Variants in GNA12 observed in about 807,000 individuals in gnomAD.
The protein encoded by GNA12 is guanine nucleotide-binding protein subunit alpha-12.
GNA12 carries 9 observed loss-of-function variants against 26.0 expected under a neutral mutation model. The observed-to-expected ratio is 0.35, with a 90% CI of 0.21 to 0.60. The LOEUF is 0.60. Among genes scored for constraint, GNA12 ranks in the 20% least tolerant of loss-of-function variants. The pLI is 0.78. For synonymous variants in GNA12, 264 were observed against 219.6 expected (o/e 1.20, Z -1.79); for missense variants, 405 against 525.8 (o/e 0.77, Z 2.25).
chr7:2,776,176 T>A (rs752292721), intron 2 of GNA12, among the ~76,000 whole-genome samples: 1 of 152,182 alleles, frequency 6.6e-6, no homozygotes, highest in Non-Finnish European at 1.5e-5. Context: ...GCTCAAGTGA[T>A]CTTCCCATCT....
At chr7:2,775,023 A>G (rs1164797131) in intron 2 of GNA12, among the ~76,000 whole-genome samples, 1 of 152,202 alleles carries the variant, frequency 6.6e-6, no homozygotes, top group Non-Finnish European at 1.5e-5. Context: ...AAAGAGTTAA[A>G]CAATTTGGAC....
chr7:2,750,239 T>C (rs556205655), intron 2 of GNA12, among the ~76,000 whole-genome samples: 14 of 152,270 alleles, frequency 9.2e-5, no homozygotes, highest in Admixed American at 3.9e-4. Context: ...CAGCTCTGCT[T>C]AGACCCATCA....
At chr7:2,758,898 G>A (rs772114258) in intron 2 of GNA12, among the ~76,000 whole-genome samples, 51 of 152,024 alleles carry the variant, frequency 3.4e-4, no homozygotes, top group Non-Finnish European at 5.3e-4. Context: ...TAATCCCAGC[G>A]CTCTGGGAGG....
chr7:2,808,145 G>A (rs1277626469), intron 1 of GNA12, among the ~76,000 whole-genome samples: 1 of 152,234 alleles, frequency 6.6e-6, no homozygotes, highest in Non-Finnish European at 1.5e-5. Context: ...CAATTACAGA[G>A]TTGGCCTCTG....
intron 1 of GNA12, among the ~76,000 whole-genome samples, chr7:2,799,242 A>G (rs1233993849): frequency 1.3e-5 from 2 of 152,224 alleles, no homozygotes; most frequent in Non-Finnish European, 2.9e-5. Context: ...CACATCTGCC[A>G]TATCTGACAA....
chr7:2,814,461 C>T (rs1402347042), intron 1 of GNA12: 2 of 901,114 alleles, frequency 2.2e-6, no homozygotes, highest in Non-Finnish European at 3.7e-6. Context: ...TAAAGCCCTG[C>T]TCAAGCTTCT....
intron 1 of GNA12, among the ~76,000 whole-genome samples, chr7:2,805,362 TCA>T (rs1442956469): frequency 3.9e-5 from 6 of 152,224 alleles, no homozygotes; most frequent in African/African-American, 1.4e-4. Flanking sequence ...AAGCTCAAAA[TCA>T]CACAGTTATC....
At chr7:2,789,023 G>A (rs1792438626) in intron 2 of GNA12, among the ~76,000 whole-genome samples, 1 of 151,356 alleles carries the variant, frequency 6.6e-6, no homozygotes, top group Non-Finnish European at 1.5e-5. Context: ...GTTTTGCCAT[G>A]TTGGCCAGGG....
intron 2 of GNA12, among the ~76,000 whole-genome samples, chr7:2,742,535 T>C (rs537587990): frequency 6.6e-6 from 1 of 152,342 alleles, no homozygotes; most frequent in East Asian, 1.9e-4. Flanking sequence ...TTCCAGGGGC[T>C]GTAATTCATC....
intron 3 of GNA12, among the ~76,000 whole-genome samples, chr7:2,732,166 C>T (rs1014144257): frequency 6.6e-6 from 1 of 152,202 alleles, no homozygotes; most frequent in Non-Finnish European, 1.5e-5. Context: ...ATTCAATCTG[C>T]AATACATTTA....
intron 2 of GNA12, among the ~76,000 whole-genome samples, chr7:2,745,099 G>T (rs1790701600): frequency 6.6e-6 from 1 of 152,194 alleles, no homozygotes; most frequent in Non-Finnish European, 1.5e-5. Flanking sequence ...CACTCTGCAG[G>T]ATATTATCCA....
At chr7:2,839,293 G>A (rs898070352) in intron 1 of GNA12, among the ~76,000 whole-genome samples, 1 of 152,160 alleles carries the variant, frequency 6.6e-6, no homozygotes, top group Non-Finnish European at 1.5e-5. Flanking sequence ...AAGTGCAGTG[G>A]CACGATGTTG....
chr7:2,768,958 C>T (rs143535653), intron 2 of GNA12, among the ~76,000 whole-genome samples: 122 of 152,322 alleles, frequency 8.0e-4, no homozygotes, highest in African/African-American at 2.7e-3. Context: ...TGGAGTCTCG[C>T]TCCGTTGTCC....
At chr7:2,757,082 G>A (rs1281616700) in intron 2 of GNA12, among the ~76,000 whole-genome samples, 1 of 151,506 alleles carries the variant, frequency 6.6e-6, no homozygotes, top group Non-Finnish European at 1.5e-5. Flanking sequence ...CCCAAGGCGG[G>A]GGAAAAAAGG....
At chr7:2,842,083 G>GGGAAGGAAAGGAAGGAAA (rs201517448) in intron 1 of GNA12, among the ~76,000 whole-genome samples, 2 of 86,104 alleles carry the variant, frequency 2.3e-5, no homozygotes, top group African/African-American at 7.0e-5. Flanking sequence ...AAAGGAAGGC[G>GGGAAGGAAAGGAAGGAAA]GGAAGGAAAG....
intron 1 of GNA12, among the ~76,000 whole-genome samples, chr7:2,826,998 T>G (rs1793499821): frequency 6.6e-6 from 1 of 152,208 alleles, no homozygotes; most frequent in Admixed American, 6.6e-5. Context: ...TGCAAGATGT[T>G]ACTCACAGGG....
At chr7:2,831,505 G>A (rs1259229336) in intron 1 of GNA12, among the ~76,000 whole-genome samples, 1 of 148,308 alleles carries the variant, frequency 6.7e-6, no homozygotes, top group East Asian at 2.0e-4. Context: ...CCGGGTTCAC[G>A]CCATTCTCCT....
At chr7:2,800,329 G>C (rs1197469673) in intron 1 of GNA12, among the ~76,000 whole-genome samples, 1 of 152,244 alleles carries the variant, frequency 6.6e-6, no homozygotes, top group Non-Finnish European at 1.5e-5. Flanking sequence ...TTAGTAATGG[G>C]AAAGACAGGG....
At chr7:2,795,541 T>C (rs78027569) in intron 1 of GNA12, among the ~76,000 whole-genome samples, 3,326 of 151,200 alleles carry the variant, frequency 0.022, 60 homozygotes, top group Non-Finnish European at 0.036. Flanking sequence ...GCGGGGAGGA[T>C]TGCTTGAGCC....
Sources: gnomAD v4.1 joint callset for allele counts (sites outside exome capture counted in the v4.1 genomes callset) on GRCh38, gnomAD v4.1.1 for gene constraint, MANE v1.5 for transcripts, NCBI Gene and HGNC (gene_info 2026-07-23, HGNC 2026-07-21) for gene names.